The following RAPGEF1 variants were observed in gnomAD, a reference collection of about 807,000 sequenced individuals.
The protein encoded by RAPGEF1 is CRK SH3-binding GNRP.
Under a neutral mutation model 143.3 loss-of-function variants are expected in RAPGEF1, and 33 were observed. That is an observed-to-expected ratio of 0.23 (90% CI 0.17 to 0.31). The LOEUF is 0.31. RAPGEF1 is among the 10% of genes least tolerant of loss of function. The pLI is 1.00. For synonymous variants in RAPGEF1, 629 were observed against 676.5 expected (o/e 0.93, Z 1.09); for missense variants, 1,199 against 1,645.4 (o/e 0.73, Z 4.69).
intron 1 of RAPGEF1, among the ~76,000 whole-genome samples, chr9:131,733,078 G>A (rs977415916): frequency 5.9e-5 from 9 of 152,268 alleles, no homozygotes; most frequent in East Asian, 5.8e-4. Flanking sequence ...TGAGAGCATC[G>A]AGGAAGTGGG....
At chr9:131,586,609 AACAC>A (rs756135700) in intron 22 of RAPGEF1, among the ~76,000 whole-genome samples, 2 of 41,076 alleles carry the variant, frequency 4.9e-5, no homozygotes, top group Admixed American at 5.0e-4. Context: ...CTCCGTCTCA[AACAC>A]ACACACACAC....
Position 131,667,975 on chromosome 9 carries a change from C to T in RAPGEF1, c.62-17026G>A, listed in dbSNP as rs905278680. Among the ~76,000 whole-genome samples the T allele has an allele frequency of 3.9e-5, 6 of 152,216 alleles. No homozygotes were observed. Among genetic ancestry groups the T allele is most frequent in the African/African-American group, 1.4e-4 (6 of 41,442 alleles). On this transcript the variant is annotated intron_variant, in intron 1 of 26. Transcript: ENST00000683357. The surrounding 1 kb of genome is among the most constrained non-coding windows in gnomAD (Gnocchi z 4.6). ...CCACCAGACCGTTCAAAAATATACT[C>T]CTTTTTGGGATAAATGCCACCATCT...
intron 1 of RAPGEF1, among the ~76,000 whole-genome samples, chr9:131,708,350 C>A (rs975707514): frequency 6.6e-6 from 1 of 152,222 alleles, no homozygotes; most frequent in African/African-American, 2.4e-5. Context: ...TGCCAGCCGG[C>A]CGGTCTCCTG....
In RAPGEF1 at chr9:131,678,456, T is replaced by C. The variant is rs932361151; in HGVS notation, c.62-27507A>G. 2.3e-4 allele frequency among the ~76,000 whole-genome samples: 35 copies of C among 152,190 alleles called. 1 individual carries two copies. The highest frequency in any genetic ancestry group is 1.9e-3 in the Admixed American group (29 of 15,278). ...ATATTTTCACTCTACAAAAAATCAA[T>C]AGTCTGATAACTTTATATCAATACA... is the stretch of plus-strand genomic sequence containing the variant. On this transcript the variant is annotated intron_variant, in intron 1 of 26. Transcript: ENST00000683357.
chr9:131,685,077 G>A (rs957501750), intron 1 of RAPGEF1, among the ~76,000 whole-genome samples: 1 of 152,006 alleles, frequency 6.6e-6, no homozygotes, highest in African/African-American at 2.4e-5. Flanking sequence ...CTTCAACAAG[G>A]GCTGACACAG....
chr9:131,661,826 A>G (rs919111476), intron 1 of RAPGEF1, among the ~76,000 whole-genome samples: 21 of 152,208 alleles, frequency 1.4e-4, no homozygotes, highest in African/African-American at 5.1e-4. Context: ...TATCTCAGGA[A>G]ACTTTTGTCT....
At chr9:131,690,942 TTTACTC>T (rs1833742747) in intron 1 of RAPGEF1, among the ~76,000 whole-genome samples, 2 of 152,262 alleles carry the variant, frequency 1.3e-5, no homozygotes, top group African/African-American at 4.8e-5. Context: ...GGAGTATTGA[TTTACTC>T]TTAATGAGAA....
At chr9:131,689,256 T>C (rs781072532) in intron 1 of RAPGEF1, among the ~76,000 whole-genome samples, 24 of 152,220 alleles carry the variant, frequency 1.6e-4, no homozygotes, top group Non-Finnish European at 3.2e-4. Context: ...GAGGAGGGAC[T>C]GATGACAGCT....
intron 1 of RAPGEF1, among the ~76,000 whole-genome samples, chr9:131,696,451 T>C (rs1280522447): frequency 6.6e-6 from 1 of 152,252 alleles, no homozygotes; most frequent in Non-Finnish European, 1.5e-5. Flanking sequence ...ATTTACTATA[T>C]GGTCTTTATA....
At chr9:131,643,127 G>T in intron 4 of RAPGEF1, 112 bp downstream of exon 4, 1 of 1,209,938 alleles carries the variant, frequency 8.3e-7, no homozygotes, top group Non-Finnish European at 1.1e-6. Flanking sequence ...AGGGGTGATG[G>T]AGTCCTTTTC....
rs1032132875 is a variant in RAPGEF1 at position 131,641,290 on chromosome 9, G to A, written c.494+1949C>T. On this transcript the variant is annotated intron_variant, in intron 4 of 26. Transcript: ENST00000683357. This position sits in a 1 kb window ranked among gnomAD's most constrained non-coding sequence, Gnocchi z 4.6. ...CGCCTCTTCCCACTGTTCCCCTCTC[G>A]TCCATGCTCTAGGACATATACCCTC... is the stretch of plus-strand genomic sequence containing the variant. Among the ~76,000 whole-genome samples the A allele has an allele frequency of 2.0e-5, 3 of 152,188 alleles. No homozygotes were observed. Among genetic ancestry groups the A allele is most frequent in the South Asian group, 2.1e-4 (1 of 4,812 alleles).
At chr9:131,624,351 G>A (rs979688548) in intron 10 of RAPGEF1, among the ~76,000 whole-genome samples, 2 of 152,328 alleles carry the variant, frequency 1.3e-5, no homozygotes, top group Non-Finnish European at 2.9e-5. Flanking sequence ...TTAGAGGTTT[G>A]CAGGCTCCAG....
chr9:131,613,770 TGGACTTG>T (rs892712242), intron 12 of RAPGEF1, among the ~76,000 whole-genome samples: 2 of 152,144 alleles, frequency 1.3e-5, no homozygotes, highest in African/African-American at 4.8e-5. Context: ...GACTCAACCT[TGGACTTG>T]TAGATTCTGC....
At chr9:131,631,122 G>A (rs1424282323) in intron 5 of RAPGEF1, among the ~76,000 whole-genome samples, 1 of 152,136 alleles carries the variant, frequency 6.6e-6, no homozygotes, top group East Asian at 1.9e-4. Flanking sequence ...GCCTGTCCTA[G>A]AACTTGATAT....
intron 1 of RAPGEF1, among the ~76,000 whole-genome samples, chr9:131,652,809 T>C (rs1971423697): frequency 6.6e-6 from 1 of 152,200 alleles, no homozygotes; most frequent in Non-Finnish European, 1.5e-5. Context: ...TGATAAAAAG[T>C]AGAGTAAATC....
In RAPGEF1 at chr9:131,651,050, T is replaced by G. The variant is rs1970956860; in HGVS notation, c.62-101A>C. ...AGCAATGTCCCCAAACCCATCTTTTTTCTTGGCTGTTGAGAGTTTCAAGGG... is the reference window on the plus strand; with the variant it reads ...AGCAATGTCCCCAAACCCATCTTTTGTCTTGGCTGTTGAGAGTTTCAAGGG... On this transcript the variant is annotated intron_variant, in intron 1 of 26. Coordinates refer to ENST00000683357, the MANE Select transcript of RAPGEF1 (RefSeq NM_001377935.1). 6.6e-6 allele frequency: 9 copies of G among 1,370,990 alleles called. No homozygotes were observed. The South Asian group carries it at 1.3e-4, about 20-fold the overall frequency. The allele number at this position is 1,370,990 out of a possible 1,614,324, so 84.9% of individuals were successfully genotyped here.
At position 131,586,472 on chromosome 9, in the gene RAPGEF1, C is replaced by T. The variant is rs1210293692; in HGVS notation, c.3233+1264G>A. Among the ~76,000 whole-genome samples the T allele has an allele frequency of 2.8e-4, 17 of 59,820 alleles. 1 individual carries two copies. The highest frequency in any genetic ancestry group is 4.4e-4 in the Non-Finnish European group (15 of 33,794). 39.2% of individuals were successfully genotyped at this position (59,820 alleles called of 152,430 possible). On this transcript the variant is annotated intron_variant, in intron 22 of 26. Coordinates refer to ENST00000683357, the MANE Select transcript of RAPGEF1 (RefSeq NM_001377935.1). The stretch of plus-strand genomic sequence containing the variant: ...CACACACACACACACACCTGCAGAG[C>T]GAGACTCCGTCTCAAACACACACAC...
At chr9:131,700,011 CCA>C (rs1313244893) in intron 1 of RAPGEF1, among the ~76,000 whole-genome samples, 32 of 152,284 alleles carry the variant, frequency 2.1e-4, no homozygotes, top group Admixed American at 1.7e-3. Context: ...CACTCTGTAC[CCA>C]CACAGCCCCA....
chr9:131,680,477 C>CACGCTGGAAGGTTGTGGGTTT (rs1832812474), intron 1 of RAPGEF1, among the ~76,000 whole-genome samples: 1 of 152,212 alleles, frequency 6.6e-6, no homozygotes, highest in Non-Finnish European at 1.5e-5. Context: ...CCATAATGCC[C>CACGCTGGAAGGTTGTGGGTTT]ACGCTGGAAG....
Sources: allele counts gnomAD v4.1 joint callset (sites outside exome capture counted in the v4.1 genomes callset), GRCh38; gene constraint gnomAD v4.1.1; non-coding constraint Gnocchi (gnomAD v3.1); transcripts MANE v1.5; gene names NCBI Gene and HGNC (gene_info 2026-07-23, HGNC 2026-07-21).